The following RNF13 variants were observed in gnomAD, a reference collection of about 807,000 sequenced individuals.
RNF13 encodes the protein ring finger protein 13, also known as E3 ubiquitin-protein ligase RNF13.
In RNF13, 19 loss-of-function variants were observed where a neutral mutation model predicts 37.7. The ratio of observed to expected loss-of-function variants is 0.50; its 90% CI spans 0.35 to 0.74. The LOEUF is 0.74. Among genes scored for constraint, RNF13 ranks in the 30% least tolerant of loss-of-function variants. The probability of loss-of-function intolerance (pLI) is 0.01; values close to 1 mark genes in which losing one functional copy is unlikely to be tolerated. For missense variants in RNF13, 375 were observed against 453.0 expected, an observed-to-expected ratio of 0.83 and a Z score of 1.56; for synonymous variants, 144 against 157.8, an observed-to-expected ratio of 0.91 and a Z score of 0.65.
At chr3:149,951,620 A>G (rs1265949716) in intron 8 of RNF13, among the ~76,000 whole-genome samples, 3 of 152,188 alleles carry the variant, frequency 2.0e-5, no homozygotes, top group Non-Finnish European at 4.4e-5. Flanking sequence ...GGTTGTTTGT[A>G]CCAAATGGGT....
At chr3:149,875,983 A>G (rs1438291347) in intron 4 of RNF13, among the ~76,000 whole-genome samples, 3 of 16,426 alleles carry the variant, frequency 1.8e-4, no homozygotes, top group Non-Finnish European at 3.5e-4. Flanking sequence ...TTTAAAAAAA[A>G]TCTGTAAAAA....
chr3:149,922,850 A>G (rs1159793964), intron 8 of RNF13, among the ~76,000 whole-genome samples: 2 of 152,194 alleles, frequency 1.3e-5, no homozygotes, highest in African/African-American at 2.4e-5. Context: ...CCCCTATAGT[A>G]TAGTTTCTCT....
chr3:149,944,488 T>C (rs1381365280), intron 8 of RNF13, among the ~76,000 whole-genome samples: 3 of 152,236 alleles, frequency 2.0e-5, no homozygotes, highest in African/African-American at 7.2e-5. Context: ...TGTTGTTTCC[T>C]GACTTTTTAA....
At chr3:149,840,112 G>A (rs927951759) in intron 1 of RNF13, among the ~76,000 whole-genome samples, 9 of 152,136 alleles carry the variant, frequency 5.9e-5, no homozygotes, top group Admixed American at 5.2e-4. Flanking sequence ...TACATCTTAA[G>A]TGTTATAATA....
Position 149,905,845 on chromosome 3 carries a change from A to G in RNF13, c.500+3683A>G, listed in dbSNP as rs1449232787. ...TTTATTAAGATATATCTCACATACC[A>G]TAAGGTTTACCCATTTAAGGTGTAA... On this transcript the variant is annotated intron_variant, in intron 6 of 9. Transcript: ENST00000392894. 3.3e-5 allele frequency among the ~76,000 whole-genome samples: 5 copies of G among 152,210 alleles called. No individual in the cohort carries two copies. The East Asian group carries it at 5.8e-4, about 18-fold the overall frequency.
intron 9 of RNF13, among the ~76,000 whole-genome samples, chr3:149,960,365 G>A (rs971240616): frequency 6.6e-6 from 1 of 152,138 alleles, no homozygotes; most frequent in Non-Finnish European, 1.5e-5. Flanking sequence ...GCCGAGGCAG[G>A]CAGATCATGA....
chr3:149,872,436 A>G (rs1712176998), intron 4 of RNF13, among the ~76,000 whole-genome samples: 1 of 152,224 alleles, frequency 6.6e-6, no homozygotes, highest in Non-Finnish European at 1.5e-5. Context: ...CCCTTCCAGT[A>G]TCAATCTCAA....
At chr3:149,894,530 A>G (rs1715043540) in intron 4 of RNF13, among the ~76,000 whole-genome samples, 1 of 152,136 alleles carries the variant, frequency 6.6e-6, no homozygotes, top group Non-Finnish European at 1.5e-5. Context: ...AATTCTTCTA[A>G]AAAATTAATA....
chr3:149,823,407 C>T (rs1013388458), intron 1 of RNF13, among the ~76,000 whole-genome samples: 7 of 151,940 alleles, frequency 4.6e-5, no homozygotes, highest in Admixed American at 2.6e-4. Flanking sequence ...AAAGGAGAAT[C>T]GATACAATGA....
intron 8 of RNF13, among the ~76,000 whole-genome samples, chr3:149,953,671 CTG>C (rs1322827452): frequency 6.6e-6 from 1 of 152,150 alleles, no homozygotes; most frequent in Non-Finnish European, 1.5e-5. Context: ...ACAGCTAAGA[CTG>C]TGCAAAGGCT....
rs200368962 is a variant in RNF13 at position 149,949,801 on chromosome 3, TTC to T, written c.701-10251_701-10250del. ...TTTTGGGGATTTATCCTGCTTGGTG[TTC>T]TCTTAACTTCCTGGATCTGTGGTGG... On this transcript the variant is annotated intron_variant, in intron 8 of 9. Transcript: ENST00000392894. Among the ~76,000 whole-genome samples, 5 of 151,758 alleles carry T rather than the reference TTC, an allele frequency of 3.3e-5. No individual in the cohort carries two copies. In the East Asian group the frequency reaches 9.6e-4, roughly 29 times the overall value.
chr3:149,890,248 A>T (rs192911726), intron 4 of RNF13, among the ~76,000 whole-genome samples: 6 of 152,286 alleles, frequency 3.9e-5, no homozygotes, highest in African/African-American at 9.6e-5. Flanking sequence ...TTTCCAAGTC[A>T]ATGTAATCAT....
chr3:149,882,978 G>A (rs1202329387), intron 4 of RNF13, among the ~76,000 whole-genome samples: 2 of 152,008 alleles, frequency 1.3e-5, no homozygotes, highest in Admixed American at 6.6e-5. Context: ...TTCTTAAACA[G>A]TTTTAAAATA....
intron 3 of RNF13, among the ~76,000 whole-genome samples, chr3:149,857,540 A>G (rs1235684735): frequency 3.3e-5 from 5 of 152,214 alleles, no homozygotes; most frequent in African/African-American, 1.2e-4. Context: ...TTTGAGTACC[A>G]TTAGTAATTA....
intron 7 of RNF13, among the ~76,000 whole-genome samples, chr3:149,916,835 G>C (rs1391755164): frequency 6.6e-6 from 1 of 152,070 alleles, no homozygotes; most frequent in Non-Finnish European, 1.5e-5. Flanking sequence ...CTCAAGAACA[G>C]CGGGTTGTAT....
rs189074993 is a variant in RNF13 at position 149,818,867 on chromosome 3, C to T, written c.-17+5514C>T. ...CGGAGGTTGCAGTGAGCCAAGACCG[C>T]GGCACTGTACTCCAGCCTGGGTGAC... On this transcript the variant is annotated intron_variant, in intron 1 of 9. Transcript: ENST00000392894. 1.0e-3 allele frequency among the ~76,000 whole-genome samples: 158 copies of T among 152,086 alleles called. 1 individual carries two copies. The highest frequency in any genetic ancestry group is 3.3e-3 in the African/African-American group (136 of 41,484).
chr3:149,874,218 CCTTA>C (rs1394058639), intron 4 of RNF13, among the ~76,000 whole-genome samples: 1 of 152,082 alleles, frequency 6.6e-6, no homozygotes, highest in Non-Finnish European at 1.5e-5. Flanking sequence ...GCTAAAGATT[CCTTA>C]CTTATGTCAT....
At chr3:149,879,160 C>G (rs1713087134) in intron 4 of RNF13, among the ~76,000 whole-genome samples, 1 of 152,188 alleles carries the variant, frequency 6.6e-6, no homozygotes. Context: ...ATGGAAGACA[C>G]AGTAAAAGTA....
At position 149,960,069 on chromosome 3, in the gene RNF13, T is replaced by C. The variant is rs1469494782; in HGVS notation, c.714T>C (p.Asp238=). ...VHKFKKGDEY[D]VCAICLDEYE... The stretch of plus-strand genomic sequence containing the variant: ...TTCTGTTTTCAGGAGATGAGTATGA[T>C]GTATGTGCCATTTGTTTGGATGAGT... The change falls in exon 9 of 10, where the codon GAT becomes GAC. Residue 238 remains aspartate, a synonymous_variant. Coordinates refer to ENST00000392894, the MANE Select transcript of RNF13 (RefSeq NM_183381.3). 6.2e-7 allele frequency: 1 copy of C among 1,611,088 alleles called. No individual in the cohort carries two copies. The highest frequency in any genetic ancestry group is 8.5e-7 in the Non-Finnish European group (1 of 1,177,420).
Sources: gnomAD v4.1 joint callset for allele counts (sites outside exome capture counted in the v4.1 genomes callset) on GRCh38, gnomAD v4.1.1 for gene constraint, MANE v1.5 for transcripts, NCBI Gene and HGNC (gene_info 2026-07-23, HGNC 2026-07-21) for gene names.